RGS9: variants seen among roughly 807,000 people sequenced by gnomAD.
RGS9 encodes the protein regulator of G protein signaling 9.
RGS9 carries 78 observed loss-of-function variants against 102.0 expected under a neutral mutation model. That is an observed-to-expected ratio of 0.76 (90% CI 0.64 to 0.92). RGS9 has a LOEUF of 0.92. Among genes scored for constraint, RGS9 ranks in the 40% least tolerant of loss-of-function variants. The pLI, the probability that RGS9 is intolerant of heterozygous loss-of-function variation, is 0.00. For missense variants in RGS9, 833 were observed against 866.1 expected, an observed-to-expected ratio of 0.96 and a Z score of 0.48; for synonymous variants, 353 against 318.6, an observed-to-expected ratio of 1.11 and a Z score of -1.15.
At chr17:65,216,305 A>C (rs541887234) in intron 17 of RGS9, among the ~76,000 whole-genome samples, 220 of 152,302 alleles carry the variant, frequency 1.4e-3, no homozygotes, top group Non-Finnish European at 2.4e-3. Context: ...GAAATTCCTG[A>C]CAACTACCAA....
chr17:65,192,555 A>G (rs1295457806), intron 11 of RGS9, among the ~76,000 whole-genome samples: 1 of 151,984 alleles, frequency 6.6e-6, no homozygotes, highest in Admixed American at 6.6e-5. Context: ...TCAAGGCTGC[A>G]GTGAGCCATG....
At chr17:65,156,974 G>A (rs570983993) in intron 2 of RGS9, among the ~76,000 whole-genome samples, 22 of 152,218 alleles carry the variant, frequency 1.4e-4, no homozygotes, top group Non-Finnish European at 2.2e-4. Flanking sequence ...GTCCTAGGGT[G>A]TGGGCATGAA....
At chr17:65,187,334 G>T (rs531455494) in intron 9 of RGS9, among the ~76,000 whole-genome samples, 1 of 152,182 alleles carries the variant, frequency 6.6e-6, no homozygotes, top group Admixed American at 6.5e-5. Flanking sequence ...TTCAAATGGC[G>T]ATCAGTGCTA....
chr17:65,214,849 C>T (rs539377695), intron 17 of RGS9, among the ~76,000 whole-genome samples: 4 of 152,266 alleles, frequency 2.6e-5, no homozygotes, highest in South Asian at 2.1e-4. Context: ...AATGTGGACT[C>T]GTTACTGCAG....
intron 17 of RGS9, among the ~76,000 whole-genome samples, chr17:65,218,836 C>G (rs914389917): frequency 1.1e-4 from 17 of 152,248 alleles, no homozygotes; most frequent in African/African-American, 4.1e-4. Context: ...ATATTCAGCA[C>G]CTGTTACATG....
intron 13 of RGS9, among the ~76,000 whole-genome samples, chr17:65,201,642 A>T (rs1598611408): frequency 6.6e-6 from 1 of 152,204 alleles, no homozygotes; most frequent in Admixed American, 6.5e-5. Context: ...CTGGGGGGTG[A>T]TATGAACTCT....
In RGS9 at chr17:65,153,406, C is replaced by G. The variant is rs747975451; in HGVS notation, c.58-16C>G. On this transcript the variant is annotated splice_polypyrimidine_tract_variant and intron_variant, in intron 1 of 18. Coordinates refer to ENST00000262406, the MANE Select transcript of RGS9 (RefSeq NM_003835.4). ...ATTGTTCTCGTCAGTCGGCTTTTTC[C>G]TGTTCTGTCTTGCAGATTGAAGCGC... 1 of 1,609,658 alleles carries G rather than the reference C, an allele frequency of 6.2e-7. No individual in the cohort carries two copies. The highest frequency in any genetic ancestry group is 8.5e-7 in the Non-Finnish European group (1 of 1,175,918).
rs772344688 is a variant in RGS9, at chr17:65,223,779, T to C, written c.1408-1223T>C. On this transcript the variant is annotated intron_variant, in intron 17 of 18. Coordinates refer to ENST00000262406, the MANE Select transcript of RGS9 (RefSeq NM_003835.4). ...TTTTTTTTTTTTTTTAAGATGGAGT[T>C]TTGCTCTGTCACCCAGGCTGGAGTG... is the stretch of plus-strand genomic sequence containing the variant. Among the ~76,000 whole-genome samples the C allele has an allele frequency of 1.1e-3, 166 of 148,256 alleles. 2 individuals carry two copies. Among genetic ancestry groups the C allele is most frequent in the Non-Finnish European group, 1.5e-3 (100 of 65,670 alleles).
intron 11 of RGS9, among the ~76,000 whole-genome samples, chr17:65,192,803 C>G (rs16961015): frequency 0.11 from 16,366 of 151,898 alleles, 1,356 homozygotes; most frequent in African/African-American, 0.23. Context: ...GTTTCCAAAC[C>G]CAGGCATTAT....
intron 12 of RGS9, among the ~76,000 whole-genome samples, chr17:65,195,984 T>A (rs778312361): frequency 9.2e-5 from 14 of 152,260 alleles, no homozygotes; most frequent in Admixed American, 3.3e-4. Flanking sequence ...CAGCAATCTG[T>A]TTCAATGCAT....
chr17:65,146,763 G>T (rs893718008), intron 1 of RGS9, among the ~76,000 whole-genome samples: 1 of 151,976 alleles, frequency 6.6e-6, no homozygotes, highest in African/African-American at 2.4e-5. Context: ...AGTGGCGCGC[G>T]CCTGTAGTCC....
At position 65,205,347 on chromosome 17, in the gene RGS9, G is replaced by A. The variant is rs981805294; in HGVS notation, c.1203+1046G>A. Among the ~76,000 whole-genome samples the A allele has an allele frequency of 3.9e-5, 6 of 152,220 alleles. No individual in the cohort carries two copies. The South Asian group carries it at 1.2e-3, about 32-fold the overall frequency. On this transcript the variant is annotated intron_variant, in intron 15 of 18. Transcript: ENST00000262406. ...ATATAGGCTATTTGATATAGGTTAT[G>A]TGATATAGGTTATATGAGATAGATT... is the stretch of plus-strand genomic sequence containing the variant.
intron 7 of RGS9, among the ~76,000 whole-genome samples, chr17:65,163,406 C>T (rs969787599): frequency 6.6e-6 from 1 of 151,812 alleles, no homozygotes; most frequent in African/African-American, 2.4e-5. Flanking sequence ...GTTGGCCAGG[C>T]TGGTCTCAAA....
chr17:65,225,056 A>G lies in RGS9; in HGVS notation c.1462A>G (p.Met488Val), dbSNP rs186222403. 2 of 1,613,668 alleles carry G rather than the reference A, an allele frequency of 1.2e-6. No homozygotes were observed. Among genetic ancestry groups the G allele is most frequent in the Middle Eastern group, 1.6e-4 (1 of 6,084 alleles). Residue 488 changes from methionine to valine, a missense_variant, in exon 18 of 19, where the codon ATG becomes GTG. By Grantham distance (21) the Met-to-Val change is conservative (BLOSUM62 1). Around this residue, in one of 3 missense-constraint regions of RGS9, gnomAD observed 320 missense variants for 276.8 expected, o/e 1.16. Coordinates refer to ENST00000262406, the MANE Select transcript of RGS9 (RefSeq NM_003835.4). The part of the protein sequence containing the change: ...PHLTVYTGTC[M>V]PPSPSSPFSS... Reference sequence around the variant, plus strand: ...TCTGACCGTGTACACCGGGACCTGCATGCCCCCGTCTCCTTCTAGCCCCTT... The same window carrying G: ...TCTGACCGTGTACACCGGGACCTGCGTGCCCCCGTCTCCTTCTAGCCCCTT...
chr17:65,220,542 C>T (rs1913669393), intron 17 of RGS9, among the ~76,000 whole-genome samples: 1 of 152,162 alleles, frequency 6.6e-6, no homozygotes, highest in South Asian at 2.1e-4. Context: ...AGAGTTTTCC[C>T]CATGGGGCTA....
chr17:65,189,193 C>G (rs1223787709), intron 9 of RGS9, 93 bp from the exon 10 acceptor site: 13 of 1,091,628 alleles, frequency 1.2e-5, no homozygotes, highest in Non-Finnish European at 1.8e-5. Flanking sequence ...GGGCATTTTT[C>G]TCATGGGGAA....
intron 18 of RGS9, among the ~76,000 whole-genome samples, chr17:65,226,927 G>A (rs1487868418): frequency 6.6e-6 from 1 of 152,074 alleles, no homozygotes; most frequent in Non-Finnish European, 1.5e-5. Flanking sequence ...CATGAAGTCA[G>A]TTTAAAGGGG....
At chr17:65,146,565 G>A (rs1324335103) in intron 1 of RGS9, among the ~76,000 whole-genome samples, 6 of 134,668 alleles carry the variant, frequency 4.5e-5, no homozygotes, top group Non-Finnish European at 6.1e-5. Flanking sequence ...CCAGCTTGGC[G>A]ACAGAGCAAG....
At chr17:65,148,056 T>G (rs922879010) in intron 1 of RGS9, among the ~76,000 whole-genome samples, 1 of 152,236 alleles carries the variant, frequency 6.6e-6, no homozygotes, top group African/African-American at 2.4e-5. Context: ...TTATGTCTGT[T>G]GAGTAGCAAC....
Sources: gnomAD v4.1 joint callset for allele counts (sites outside exome capture counted in the v4.1 genomes callset) on GRCh38, gnomAD v4.1.1 for gene constraint, gnomAD v4.1.1 regional missense constraint, MANE v1.5 for transcripts, NCBI Gene and HGNC (gene_info 2026-07-23, HGNC 2026-07-21) for gene names.